The following AGAP1 variants were observed in gnomAD, a reference collection of about 807,000 sequenced individuals.
AGAP1 encodes the protein ArfGAP with GTPase domain, ankyrin repeat and PH domain 1, also known as arf-GAP with GTPase, ANK repeat and PH domain-containing protein 1.
Under a neutral mutation model 105.3 loss-of-function variants are expected in AGAP1, and 29 were observed. The ratio of observed to expected loss-of-function variants is 0.28; its 90% CI spans 0.21 to 0.38. The LOEUF is 0.38. Among genes scored for constraint, AGAP1 ranks in the 10% least tolerant of loss-of-function variants. AGAP1 has a pLI of 1.00. For synonymous variants in AGAP1, 509 were observed against 485.9 expected, an observed-to-expected ratio of 1.05 and a Z score of -0.63; for missense variants, 998 against 1,165.1, an observed-to-expected ratio of 0.86 and a Z score of 2.09.
chr2:236,130,096 C>T lies in AGAP1; in HGVS notation c.*5974C>T, dbSNP rs2060062567. ...GAGACTTGCATGGGCTCTGAAAGCC[C>T]CAGAGCTCAGGCCTAAGGCTGCTAG... On this transcript the variant is annotated 3_prime_UTR_variant, in exon 18 of 18. Coordinates refer to ENST00000304032, the MANE Select transcript of AGAP1 (RefSeq NM_001037131.3). The surrounding 1 kb of genome is among the most constrained non-coding windows in gnomAD (Gnocchi z 5.8). The T allele has an allele frequency of 6.6e-6, 1 of 152,210 alleles. No homozygotes were observed. The highest frequency in any genetic ancestry group is 1.5e-5 in the Non-Finnish European group (1 of 68,086). 9.4% of individuals were successfully genotyped at this position (152,210 alleles called of 1,614,324 possible). A position where few individuals can be genotyped will look rare whatever the true frequency, so the allele number is the denominator to read the frequency against.
At chr2:235,677,734 T>A (rs1559338430) in intron 1 of AGAP1, among the ~76,000 whole-genome samples, 1 of 151,696 alleles carries the variant, frequency 6.6e-6, no homozygotes, top group Non-Finnish European at 1.5e-5. Context: ...CTGCTGACCG[T>A]CAGGCACTTG....
chr2:235,754,812 C>G lies in AGAP1; in HGVS notation c.673+4324C>G, dbSNP rs1227265934. 1.3e-5 allele frequency among the ~76,000 whole-genome samples: 2 copies of G among 152,180 alleles called. No homozygotes were observed. The highest frequency in any genetic ancestry group is 2.4e-5 in the African/African-American group (1 of 41,430). On this transcript the variant is annotated intron_variant, in intron 6 of 17. Coordinates refer to ENST00000304032, the MANE Select transcript of AGAP1 (RefSeq NM_001037131.3). The surrounding 1 kb of genome is among the most constrained non-coding windows in gnomAD (Gnocchi z 4.6). Reference sequence around the variant, plus strand: ...TTGGGAAGCGCAGGCAGGGTCCCTTCCTCCGTGAAGTTAAGGTCCACTAGG... The same window carrying G: ...TTGGGAAGCGCAGGCAGGGTCCCTTGCTCCGTGAAGTTAAGGTCCACTAGG...
intron 16 of AGAP1, among the ~76,000 whole-genome samples, chr2:236,071,614 C>T (rs2058499774): frequency 6.6e-6 from 1 of 152,234 alleles, no homozygotes; most frequent in African/African-American, 2.4e-5. Context: ...CAGTGCGATG[C>T]AGGAAGACCT....
In AGAP1 at chr2:236,050,439, A is replaced by G. The variant is rs797017742; in HGVS notation, c.2114+1158A>G. The stretch of plus-strand genomic sequence containing the variant: ...CATGGTTTTGATACGCGACCTCTTT[A>G]TGAGTTATGCTCTATAGTGTAGACA... On this transcript the variant is annotated intron_variant, in intron 16 of 17. Transcript: ENST00000304032. This position sits in a 1 kb window ranked among gnomAD's most constrained non-coding sequence, Gnocchi z 4.0. Among the ~76,000 whole-genome samples the G allele has an allele frequency of 6.6e-5, 10 of 152,334 alleles. No individual in the cohort carries two copies. Among genetic ancestry groups the G allele is most frequent in the African/African-American group, 2.4e-4 (10 of 41,568 alleles).
chr2:235,762,301 G>A (rs1264850403), intron 6 of AGAP1, among the ~76,000 whole-genome samples: 1 of 152,090 alleles, frequency 6.6e-6, no homozygotes, highest in African/African-American at 2.4e-5. Flanking sequence ...CAGAAAGGGT[G>A]GCTTTGTCTC....
At position 235,983,490 on chromosome 2, in the gene AGAP1, C is replaced by A. The variant is rs1166586898; in HGVS notation, c.1645+14867C>A. 6.6e-6 allele frequency among the ~76,000 whole-genome samples: 1 copy of A among 152,098 alleles called. No homozygotes were observed. Among genetic ancestry groups the A allele is most frequent in the Non-Finnish European group, 1.5e-5 (1 of 68,022 alleles). On this transcript the variant is annotated intron_variant, in intron 13 of 17. Transcript: ENST00000304032. The surrounding 1 kb of genome is among the most constrained non-coding windows in gnomAD (Gnocchi z 4.5). The stretch of plus-strand genomic sequence containing the variant: ...TTTTTTCTTCTTTTCCCATCCATAA[C>A]CTCATCATTGTCTTTTTCTCCCTTT...
chr2:235,645,759 A>G (rs1947361470), intron 1 of AGAP1, among the ~76,000 whole-genome samples: 1 of 152,186 alleles, frequency 6.6e-6, no homozygotes, highest in Non-Finnish European at 1.5e-5. Context: ...AGAAACAACT[A>G]GCCAGTCTCT....
intron 1 of AGAP1, among the ~76,000 whole-genome samples, chr2:235,579,099 G>T (rs1352673704): frequency 6.6e-6 from 1 of 152,198 alleles, no homozygotes; most frequent in Non-Finnish European, 1.5e-5. Context: ...GCCTTCCCCA[G>T]CTTGTGTCAC....
At chr2:235,503,278 A>G (rs1421817608) in intron 1 of AGAP1, among the ~76,000 whole-genome samples, 3 of 152,162 alleles carry the variant, frequency 2.0e-5, no homozygotes, top group African/African-American at 7.2e-5. Flanking sequence ...AGAATCCAGC[A>G]TATTTTCCAG....
At chr2:235,699,993 C>T (rs184165895) in intron 1 of AGAP1, among the ~76,000 whole-genome samples, 75 of 152,298 alleles carry the variant, frequency 4.9e-4, no homozygotes, top group Middle Eastern at 3.4e-3. Context: ...TTCCCTGCAT[C>T]TGTGAACAAG....
chr2:235,558,765 C>T (rs1375263798), intron 1 of AGAP1, among the ~76,000 whole-genome samples: 2 of 152,138 alleles, frequency 1.3e-5, no homozygotes, highest in Non-Finnish European at 2.9e-5. Context: ...GCCGTTATGC[C>T]CTCAGCCATA....
rs1165045315 is a variant in AGAP1, at chr2:235,958,849, C to G, written c.1484-9613C>G. Among the ~76,000 whole-genome samples the G allele has an allele frequency of 1.3e-5, 2 of 152,204 alleles. No individual in the cohort carries two copies. Among genetic ancestry groups the G allele is most frequent in the Non-Finnish European group, 1.5e-5 (1 of 68,042 alleles). Reference sequence around the variant, plus strand: ...CCTCTAGTCATGCTTGTCAGCTCTCCGAGTGAAAAGTGAAACTGCTTCTTT... The same window carrying G: ...CCTCTAGTCATGCTTGTCAGCTCTCGGAGTGAAAAGTGAAACTGCTTCTTT... On this transcript the variant is annotated intron_variant, in intron 12 of 17. Transcript: ENST00000304032. The surrounding 1 kb of genome is among the most constrained non-coding windows in gnomAD (Gnocchi z 4.1).
intron 16 of AGAP1, among the ~76,000 whole-genome samples, chr2:236,115,880 C>T (rs1323034476): frequency 1.3e-5 from 2 of 152,174 alleles, no homozygotes; most frequent in Non-Finnish European, 2.9e-5. Flanking sequence ...TCTTGGCTCA[C>T]TGCAACCTCT....
In AGAP1 at chr2:235,744,792, A is replaced by G. The variant is rs1191424172; in HGVS notation, c.491A>G (p.Asn164Ser). 2 of 1,614,064 alleles carry G rather than the reference A, an allele frequency of 1.2e-6. No homozygotes were observed. Among genetic ancestry groups the G allele is most frequent in the East Asian group, 2.2e-5 (1 of 44,828 alleles). The change falls in exon 5 of 18, where the codon AAC (asparagine) becomes AGC (serine). Residue 164 changes from asparagine to serine, a missense_variant. Asn to Ser is a conservative substitution (Grantham distance 46, BLOSUM62 1). Around this residue, in one of 3 missense-constraint regions of AGAP1, gnomAD observed 735 missense variants for 833.4 expected, o/e 0.88. Transcript: ENST00000304032. The surrounding 1 kb of genome is among the most constrained non-coding windows in gnomAD (Gnocchi z 5.2). ...TACCACTACTACAGTCGAATGGCCA[A>G]CTATCGGAACACGAGCGAGATTCCT... ...TVYHYYSRMANYRNTSEIPLV... is the reference protein window; with the variant it reads ...TVYHYYSRMASYRNTSEIPLV...
intron 1 of AGAP1, among the ~76,000 whole-genome samples, chr2:235,641,296 T>C (rs554973320): frequency 5.1e-5 from 5 of 97,330 alleles, no homozygotes; most frequent in African/African-American, 1.6e-4. Flanking sequence ...ACTGCGATTC[T>C]TTCTTTCTCT....
intron 1 of AGAP1, chr2:235,670,353 C>T (rs1273972170): frequency 3.8e-6 from 2 of 522,480 alleles, no homozygotes; most frequent in Admixed American, 3.1e-5. Context: ...CCGGAGGGTC[C>T]CCGGCCGCGC....
At chr2:235,903,739 C>A (rs1360627939) in intron 10 of AGAP1, among the ~76,000 whole-genome samples, 1 of 152,054 alleles carries the variant, frequency 6.6e-6, no homozygotes, top group Admixed American at 6.6e-5. Flanking sequence ...GGGGAGAATT[C>A]TTGTATATTT....
chr2:235,902,110 C>G (rs922908501), intron 10 of AGAP1, among the ~76,000 whole-genome samples: 1 of 152,118 alleles, frequency 6.6e-6, no homozygotes, highest in African/African-American at 2.4e-5. Context: ...TTTTAGGTCT[C>G]TTTGATACCC....
rs1039608991 is a variant in AGAP1, at chr2:236,090,123, T to G, written c.2115-30069T>G. 1.3e-5 allele frequency among the ~76,000 whole-genome samples: 2 copies of G among 152,316 alleles called. No individual in the cohort carries two copies. The highest frequency in any genetic ancestry group is 4.1e-4 in the South Asian group (2 of 4,820). On this transcript the variant is annotated intron_variant, in intron 16 of 17. Transcript: ENST00000304032. The surrounding 1 kb of genome is among the most constrained non-coding windows in gnomAD (Gnocchi z 4.3). Reference sequence around the variant, plus strand: ...CACCTTGCCCTGCGCGCCTGAGCCCTTCACAGAGACCGGCCGTGTCCTCAC... The same window carrying G: ...CACCTTGCCCTGCGCGCCTGAGCCCGTCACAGAGACCGGCCGTGTCCTCAC...
Sources: allele counts gnomAD v4.1 joint callset (sites outside exome capture counted in the v4.1 genomes callset), GRCh38; gene constraint gnomAD v4.1.1; regional missense constraint gnomAD v4.1.1; non-coding constraint Gnocchi (gnomAD v3.1); transcripts MANE v1.5; gene names NCBI Gene and HGNC (gene_info 2026-07-23, HGNC 2026-07-21).